Variants in FAT1 observed in about 807,000 individuals in gnomAD.
The protein encoded by FAT1 is protocadherin Fat 1.
A neutral mutation model predicts 329.8 loss-of-function variants in FAT1; 171 were observed. That is an observed-to-expected ratio of 0.52 (90% CI 0.46 to 0.59). The LOEUF is 0.59. FAT1 is among the 20% of genes least tolerant of loss of function. The probability of loss-of-function intolerance (pLI) is 0.00; values close to 1 mark genes in which losing one functional copy is unlikely to be tolerated. For missense variants in FAT1, 5,672 were observed against 5,774.4 expected, an observed-to-expected ratio of 0.98 and a Z score of 0.57; for synonymous variants, 2,233 against 2,228.6, an observed-to-expected ratio of 1.00 and a Z score of -0.06.
Position 186,645,387 on chromosome 4 carries a change from AT to A in FAT1, c.3581-5605del, listed in dbSNP as rs1560962328. On this transcript the variant is annotated intron_variant, in intron 3 of 26. Transcript: ENST00000441802. ...ATTACATATATATATATATATATAT[AT>A]ATATATATATATATATATATATATA... 8.6e-3 allele frequency among the ~76,000 whole-genome samples: 720 copies of A among 83,850 alleles called. 31 individuals carry two copies. The highest frequency in any genetic ancestry group is 0.034 in the African/African-American group (649 of 18,966). The allele number at this position is 83,850 out of a possible 152,430, so 55.0% of individuals were successfully genotyped here.
At chr4:186,718,872 G>A (rs1203614319) in intron 1 of FAT1, among the ~76,000 whole-genome samples, 4 of 151,768 alleles carry the variant, frequency 2.6e-5, no homozygotes, top group East Asian at 1.9e-4. Flanking sequence ...CAGAACAGCC[G>A]TTCCCGCATC....
intron 2 of FAT1, among the ~76,000 whole-genome samples, chr4:186,703,562 A>G (rs1269654307): frequency 2.0e-5 from 3 of 152,244 alleles, no homozygotes; most frequent in African/African-American, 7.2e-5. Flanking sequence ...AGAAGCAAAC[A>G]GTTACGTGGA....
chr4:186,718,540 A>G (rs965053658), intron 1 of FAT1, among the ~76,000 whole-genome samples: 1 of 151,974 alleles, frequency 6.6e-6, no homozygotes, highest in Non-Finnish European at 1.5e-5. Flanking sequence ...GGTGGCATGC[A>G]CCTGTAGTCC....
chr4:186,597,199 G>T (rs750733656), intron 24 of FAT1, 28 bp from the exon 25 acceptor site: 1 of 1,559,042 alleles, frequency 6.4e-7, no homozygotes, highest in Non-Finnish European at 8.7e-7. Flanking sequence ...AATGAGGAGA[G>T]ACCTCTGTAG....
intron 16 of FAT1, among the ~76,000 whole-genome samples, chr4:186,606,505 TA>T (rs1357215277): frequency 6.6e-6 from 1 of 152,134 alleles, no homozygotes; most frequent in East Asian, 1.9e-4. Flanking sequence ...AACTAAGACA[TA>T]AAAGTAATAC....
In FAT1 at chr4:186,597,666, G is replaced by C. The variant is rs1482431872; in HGVS notation, c.12368+16C>G. The C allele has an allele frequency of 1.2e-6, 2 of 1,600,648 alleles. No homozygotes were observed. Among genetic ancestry groups the C allele is most frequent in the East Asian group, 4.5e-5 (2 of 44,802 alleles). ...ATGAAAAGGTATGAACCTAAATTTTGAAAGAAACCATTTACCTTTCTCCCC... is the reference window on the plus strand; with the variant it reads ...ATGAAAAGGTATGAACCTAAATTTTCAAAGAAACCATTTACCTTTCTCCCC... On this transcript the variant is annotated intron_variant, in intron 24 of 26. Coordinates refer to ENST00000441802, the MANE Select transcript of FAT1 (RefSeq NM_005245.4).
At chr4:186,721,318 T>G (rs1157721924) in intron 1 of FAT1, among the ~76,000 whole-genome samples, 1 of 152,196 alleles carries the variant, frequency 6.6e-6, no homozygotes, top group Non-Finnish European at 1.5e-5. Flanking sequence ...AATGAAAAGT[T>G]CCCCTCAGGT....
At chr4:186,589,410 G>C (rs1738134338) in intron 26 of FAT1, among the ~76,000 whole-genome samples, 190 bp from the exon 27 acceptor site, 1 of 152,116 alleles carries the variant, frequency 6.6e-6, no homozygotes, top group South Asian at 2.1e-4. Flanking sequence ...AGACCCCTAT[G>C]AACTAGGCTC....
At chr4:186,691,246 T>C (rs1304823613) in intron 2 of FAT1, among the ~76,000 whole-genome samples, 8 of 152,222 alleles carry the variant, frequency 5.3e-5, no homozygotes. Context: ...TGTGTTTTGT[T>C]TTAGCTTATA....
At chr4:186,672,745 G>A (rs1742789281) in intron 2 of FAT1, among the ~76,000 whole-genome samples, 1 of 152,200 alleles carries the variant, frequency 6.6e-6, no homozygotes, top group African/African-American at 2.4e-5. Context: ...GGGGAACTGG[G>A]ATTCAACCCT....
intron 1 of FAT1, among the ~76,000 whole-genome samples, chr4:186,715,182 T>C (rs1382324613): frequency 2.0e-5 from 3 of 150,510 alleles, no homozygotes; most frequent in Middle Eastern, 6.8e-3. Context: ...ACACAGACCA[T>C]GGCCAACACG....
chr4:186,688,648 C>G (rs1743598823), intron 2 of FAT1, among the ~76,000 whole-genome samples: 1 of 42,218 alleles, frequency 2.4e-5, no homozygotes, highest in African/African-American at 1.6e-4. Context: ...AAGAGTACCC[C>G]CCCCGCCCCC....
rs1560931907 is a variant in FAT1, at chr4:186,610,691, TAATTTATATAAATATAAATTTATA to T, written c.9853+671_9854-677del. Among the ~76,000 whole-genome samples, 15 of 65,372 alleles carry T rather than the reference TAATTTATATAAATATAAATTTATA, an allele frequency of 2.3e-4. No individual in the cohort carries two copies. The East Asian group carries it at 0.013, about 57-fold the overall frequency. 42.9% of individuals were successfully genotyped at this position (65,372 alleles called of 152,430 possible). Reference sequence around the variant, plus strand: ...ATAATTTATATAAATATAAATTATATAATTTATATAAATATAAATTTATATAATTTATATAAATATAAATTTATA... The same window carrying T: ...ATAATTTATATAAATATAAATTATATTAATTTATATAAATATAAATTTATA... On this transcript the variant is annotated intron_variant, in intron 14 of 26. Coordinates refer to ENST00000441802, the MANE Select transcript of FAT1 (RefSeq NM_005245.4).
At chr4:186,634,993 C>G (rs143949904) in intron 6 of FAT1, among the ~76,000 whole-genome samples, 1 of 152,224 alleles carries the variant, frequency 6.6e-6, no homozygotes, top group Non-Finnish European at 1.5e-5. Flanking sequence ...TCGTTAACTA[C>G]GAAAATAGTC....
rs370775489 is a variant in FAT1, at chr4:186,602,925, G to A, written c.11460C>T (p.Ser3820=). 1.4e-5 allele frequency: 22 copies of A among 1,613,850 alleles called. No individual in the cohort carries two copies. Among genetic ancestry groups the A allele is most frequent in the East Asian group, 2.2e-5 (1 of 44,882 alleles). The change falls in exon 20 of 27, where the codon AGC becomes AGT. Residue 3820 remains serine, a synonymous_variant. Transcript: ENST00000441802. ...CACCTGGGCACTGACCAAACCTGCCGCTGGGACAGACACAGGTGTGTTTCT... is the reference window on the plus strand; with the variant it reads ...CACCTGGGCACTGACCAAACCTGCCACTGGGACAGACACAGGTGTGTTTCT... ...WEEKHTCVCP[S]GRFGQCPGSS... is the part of the protein sequence containing the mutation.
chr4:186,636,528 A>C, intron 5 of FAT1, 57 bp downstream of exon 5: 1 of 1,484,344 alleles, frequency 6.7e-7, no homozygotes, highest in Non-Finnish European at 9.1e-7. Context: ...AAAAAATACA[A>C]AATAAGGTTT....
intron 3 of FAT1, among the ~76,000 whole-genome samples, chr4:186,641,042 T>A (rs1271674072): frequency 1.3e-5 from 2 of 152,212 alleles, no homozygotes; most frequent in Non-Finnish European, 2.9e-5. Context: ...TTTTCTCCCA[T>A]AATCTTTACT....
At chr4:186,663,956 T>A (rs1447425554) in intron 2 of FAT1, among the ~76,000 whole-genome samples, 1 of 152,168 alleles carries the variant, frequency 6.6e-6, no homozygotes, top group Admixed American at 6.5e-5. Context: ...TAAGAGATCA[T>A]CTAATGGCCC....
rs1430088803 is a variant in FAT1 at position 186,642,089 on chromosome 4, T to C, written c.3581-2306A>G. ...GGTCTGAAATTATTTGCATGTTCTATACTCCTCAAATTAATTCTCCTCCGT... is the reference window on the plus strand; with the variant it reads ...GGTCTGAAATTATTTGCATGTTCTACACTCCTCAAATTAATTCTCCTCCGT... On this transcript the variant is annotated intron_variant, in intron 3 of 26. Coordinates refer to ENST00000441802, the MANE Select transcript of FAT1 (RefSeq NM_005245.4). Among the ~76,000 whole-genome samples the C allele has an allele frequency of 7.2e-5, 11 of 152,292 alleles. No homozygotes were observed. The East Asian group carries it at 1.5e-3, about 21-fold the overall frequency.
Sources: gnomAD v4.1 joint callset for allele counts (sites outside exome capture counted in the v4.1 genomes callset) on GRCh38, gnomAD v4.1.1 for gene constraint, MANE v1.5 for transcripts, NCBI Gene and HGNC (gene_info 2026-07-23, HGNC 2026-07-21) for gene names.